TAOK3: variants seen among roughly 807,000 people sequenced by gnomAD.
TAOK3 encodes TAO kinase 3.
In TAOK3, 40 loss-of-function variants were observed where a neutral mutation model predicts 120.4. The observed-to-expected ratio is 0.33, with a 90% CI of 0.26 to 0.43. TAOK3 has a LOEUF of 0.43. Among genes scored for constraint, TAOK3 ranks in the 20% least tolerant of loss-of-function variants. TAOK3 has a pLI of 1.00. For synonymous variants in TAOK3, 355 were observed against 387.5 expected (o/e 0.92, Z 0.99); for missense variants, 821 against 1,112.1 (o/e 0.74, Z 3.72).
At chr12:118,193,357 T>C (rs1035972094) in intron 13 of TAOK3, among the ~76,000 whole-genome samples, 6 of 151,954 alleles carry the variant, frequency 3.9e-5, no homozygotes, top group African/African-American at 1.5e-4. Flanking sequence ...CCCACGACAT[T>C]GTTTCATCAT....
At chr12:118,342,211 T>G (rs2044646318) in intron 1 of TAOK3, among the ~76,000 whole-genome samples, 1 of 152,224 alleles carries the variant, frequency 6.6e-6, no homozygotes, top group Non-Finnish European at 1.5e-5. Context: ...TTGGTATTAC[T>G]ACATTATTGG....
intron 1 of TAOK3, among the ~76,000 whole-genome samples, chr12:118,356,195 T>C (rs1046401135): frequency 6.6e-6 from 1 of 152,040 alleles, no homozygotes; most frequent in African/African-American, 2.4e-5. Flanking sequence ...TACTATGCAC[T>C]GGGAATGTAA....
At chr12:118,356,295 C>CTTTTTT (rs949021724) in intron 1 of TAOK3, among the ~76,000 whole-genome samples, 67 of 109,250 alleles carry the variant, frequency 6.1e-4, no homozygotes, top group Non-Finnish European at 8.9e-4. Context: ...TGGTCACTTT[C>CTTTTTT]TTTTTTTTTT....
intron 20 of TAOK3, among the ~76,000 whole-genome samples, chr12:118,151,402 G>T (rs963018604): frequency 6.6e-6 from 1 of 152,116 alleles, no homozygotes; most frequent in African/African-American, 2.4e-5. Context: ...TTGCTCACAA[G>T]AATATCAATG....
At chr12:118,193,895 A>G (rs1167551658) in intron 13 of TAOK3, among the ~76,000 whole-genome samples, 2 of 152,234 alleles carry the variant, frequency 1.3e-5, no homozygotes, top group Non-Finnish European at 2.9e-5. Context: ...TTGAAGGCAG[A>G]GTAAATGTCG....
intron 1 of TAOK3, among the ~76,000 whole-genome samples, chr12:118,275,357 A>G (rs2041868384): frequency 6.6e-6 from 1 of 151,124 alleles, no homozygotes; most frequent in Non-Finnish European, 1.5e-5. Flanking sequence ...CTGGTCTCCA[A>G]CTCCTGGGTC....
At chr12:118,266,225 C>T (rs1274265288) in intron 2 of TAOK3, among the ~76,000 whole-genome samples, 1 of 152,120 alleles carries the variant, frequency 6.6e-6, no homozygotes, top group Non-Finnish European at 1.5e-5. Flanking sequence ...CAGAGTTTCG[C>T]TCTTGTTGCC....
chr12:118,182,623 A>ATATAT (rs371125415), intron 14 of TAOK3, among the ~76,000 whole-genome samples: 84 of 92,376 alleles, frequency 9.1e-4, no homozygotes, highest in African/African-American at 2.1e-3. Flanking sequence ...ATATATATAT[A>ATATAT]TTTTTTTTTT....
chr12:118,190,062 G>C, intron 13 of TAOK3, 121 bp from the exon 14 acceptor site: 1 of 1,265,574 alleles, frequency 7.9e-7, no homozygotes, highest in Middle Eastern at 2.0e-4. Context: ...TTAGCTCTCT[G>C]CTAGTCCCCG....
At chr12:118,260,830 G>A (rs914802881) in intron 2 of TAOK3, among the ~76,000 whole-genome samples, 23 of 152,192 alleles carry the variant, frequency 1.5e-4, no homozygotes, top group Non-Finnish European at 2.4e-4. Context: ...ACAGGCATGC[G>A]CCACCACATC....
intron 9 of TAOK3, among the ~76,000 whole-genome samples, chr12:118,223,034 A>T (rs1298566994): frequency 1.3e-5 from 2 of 152,044 alleles, no homozygotes; most frequent in Non-Finnish European, 2.9e-5. Flanking sequence ...CACTACCTGA[A>T]AAGGTATAAG....
Position 118,255,441 on chromosome 12 carries a change from T to C in TAOK3, c.120+7A>G. On this transcript the variant is annotated splice_region_variant and intron_variant, in intron 3 of 20. Transcript: ENST00000392533. ...GATCTATCTAAAAGACTCTTTTAAG[T>C]ACTTACAAAATAAACTGCTCCAAAA... 6.2e-7 allele frequency: 1 copy of C among 1,614,016 alleles called. No homozygotes were observed. Among genetic ancestry groups the C allele is most frequent in the Non-Finnish European group, 8.5e-7 (1 of 1,179,946 alleles).
chr12:118,269,790 T>C (rs1225709791), intron 1 of TAOK3, among the ~76,000 whole-genome samples: 1 of 152,222 alleles, frequency 6.6e-6, no homozygotes, highest in African/African-American at 2.4e-5. Flanking sequence ...CTCAGTTTTA[T>C]CTTTTCTTTG....
At chr12:118,243,874 T>A (rs1197062949) in intron 4 of TAOK3, among the ~76,000 whole-genome samples, 1 of 152,110 alleles carries the variant, frequency 6.6e-6, no homozygotes, top group Non-Finnish European at 1.5e-5. Flanking sequence ...AGACGAGGTT[T>A]CTCCGTGTTG....
chr12:118,278,253 T>C (rs1053222899), intron 1 of TAOK3, among the ~76,000 whole-genome samples: 2 of 152,184 alleles, frequency 1.3e-5, no homozygotes, highest in African/African-American at 2.4e-5. Flanking sequence ...GTAATAAGCA[T>C]AGTACCCAAT....
intron 1 of TAOK3, among the ~76,000 whole-genome samples, chr12:118,368,064 G>A (rs917798658): frequency 1.3e-4 from 20 of 152,154 alleles, no homozygotes; most frequent in African/African-American, 4.8e-4. Flanking sequence ...ATGTGTTATT[G>A]TATATATTGG....
intron 17 of TAOK3, among the ~76,000 whole-genome samples, chr12:118,165,293 T>C (rs538360275): frequency 5.3e-5 from 8 of 152,332 alleles, no homozygotes; most frequent in African/African-American, 1.9e-4. Flanking sequence ...AGGACTTTAA[T>C]TGAGGTCCAG....
intron 17 of TAOK3, 91 bp from the exon 18 acceptor site, chr12:118,162,118 C>T: frequency 6.8e-7 from 1 of 1,468,372 alleles, no homozygotes. Context: ...CAAGGAATGG[C>T]ACTGCTAACC....
At chr12:118,265,556 G>A (rs1272674377) in intron 2 of TAOK3, among the ~76,000 whole-genome samples, 3 of 152,028 alleles carry the variant, frequency 2.0e-5, no homozygotes, top group African/African-American at 7.3e-5. Flanking sequence ...AATGATCAAG[G>A]AAGTAAAAAC....
Sources: allele counts gnomAD v4.1 joint callset (sites outside exome capture counted in the v4.1 genomes callset), GRCh38; gene constraint gnomAD v4.1.1; transcripts MANE v1.5; gene names NCBI Gene and HGNC (gene_info 2026-07-23, HGNC 2026-07-21).